AGBL1: variants seen among roughly 807,000 people sequenced by gnomAD.
The protein encoded by AGBL1 is cytosolic carboxypeptidase 4.
AGBL1 carries 130 observed loss-of-function variants against 118.9 expected under a neutral mutation model. The ratio of observed to expected loss-of-function variants is 1.09; its 90% CI spans 0.95 to 1.26. The LOEUF (loss-of-function observed/expected upper bound fraction) is 1.26, where lower values mean the gene tolerates loss of function less well. AGBL1 is among the 50% of genes most tolerant of loss of function. The pLI is 0.00. For synonymous variants in AGBL1, 555 were observed against 478.9 expected (o/e 1.16, Z -2.08); for missense variants, 1,584 against 1,298.1 (o/e 1.22, Z -3.38).
chr15:86,690,346 A>G (rs1367607323), intron 22 of AGBL1, among the ~76,000 whole-genome samples: 2 of 152,154 alleles, frequency 1.3e-5, no homozygotes, highest in Non-Finnish European at 2.9e-5. Context: ...GAAAGACTTA[A>G]AAGTATGAAT....
At position 86,184,973 on chromosome 15, in the gene AGBL1, G is replaced by A. The variant is rs917645312; in HGVS notation, c.488+25947G>A. 1.4e-4 allele frequency among the ~76,000 whole-genome samples: 21 copies of A among 152,182 alleles called. 1 individual carries two copies. Among genetic ancestry groups the A allele is most frequent in the Middle Eastern group, 3.4e-3 (1 of 294 alleles). On this transcript the variant is annotated intron_variant, in intron 5 of 22. Transcript: ENST00000614907. ...AAGAAACTACCATCAGAGTGAACAG[G>A]CAACCTACAGAATGGGAGAAAATGT... is the stretch of plus-strand genomic sequence containing the variant.
intron 22 of AGBL1, among the ~76,000 whole-genome samples, chr15:86,684,019 G>A (rs906825533): frequency 4.6e-5 from 7 of 152,080 alleles, no homozygotes; most frequent in Non-Finnish European, 8.8e-5. Flanking sequence ...TTTTACTGGT[G>A]AGAGCAAATC....
At chr15:86,867,425 T>C (rs529151611) in intron 22 of AGBL1, among the ~76,000 whole-genome samples, 1 of 152,348 alleles carries the variant, frequency 6.6e-6, no homozygotes, top group South Asian at 2.1e-4. Flanking sequence ...TGTTTCCACT[T>C]ACTGCTTGCC....
rs1281800368 is a variant in AGBL1, at chr15:86,928,660, T to C, written c.3222-59327T>C. Among the ~76,000 whole-genome samples the C allele has an allele frequency of 1.3e-5, 2 of 152,208 alleles. 1 individual carries two copies. The highest frequency in any genetic ancestry group is 4.8e-5 in the African/African-American group (2 of 41,462). Reference sequence around the variant, plus strand: ...GTACCATGCATGTTTTCTGTATGTGTATGAATTATATCCTTTTGGTCATTT... The same window carrying C: ...GTACCATGCATGTTTTCTGTATGTGCATGAATTATATCCTTTTGGTCATTT... On this transcript the variant is annotated intron_variant, in intron 23 of 24. Transcript: ENST00000441037.
Position 86,264,818 on chromosome 15 carries a change from A to G in AGBL1, c.1647A>G (p.Glu549=), listed in dbSNP as rs771850905. The G allele has an allele frequency of 5.0e-6, 8 of 1,608,584 alleles. No individual in the cohort carries two copies. In the South Asian group the frequency reaches 8.9e-5, roughly 18 times the overall value. Residue 549 remains glutamate, a synonymous_variant, in exon 11 of 23, where the codon GAA becomes GAG. Coordinates refer to ENST00000614907, the MANE Select transcript of AGBL1 (RefSeq NM_001386094.1). ...CTCCCACCACCCAGCCTATGTTGGA[A>G]CGAAAATGTGGAGTCCAAAGGTGAT... ...CPPPTTQPML[E]RKCGVQRIRI...
intron 22 of AGBL1, among the ~76,000 whole-genome samples, chr15:86,683,699 A>T (rs1039439466): frequency 6.6e-6 from 1 of 152,162 alleles, no homozygotes; most frequent in Non-Finnish European, 1.5e-5. Context: ...AAAGGATTTC[A>T]ATCAAGAAAC....
rs532964745 is a variant in AGBL1 at position 86,826,332 on chromosome 15, C to T, written c.3159-80755C>T. ...TTTGAGGATGATGCTTGGTAAAGTC[C>T]GAGGGATGCAGTGTCTGCCACCTGA... On this transcript the variant is annotated intron_variant, in intron 22 of 22. Transcript: ENST00000614907. 4.2e-4 allele frequency among the ~76,000 whole-genome samples: 64 copies of T among 151,984 alleles called. 1 individual carries two copies. The highest frequency in any genetic ancestry group is 5.4e-4 in the Non-Finnish European group (37 of 68,016).
rs2080369657 is a variant in AGBL1 at position 86,912,862 on chromosome 15, A to G, written c.*5568A>G. 6.6e-6 allele frequency: 1 copy of G among 152,184 alleles called. No individual in the cohort carries two copies. Among genetic ancestry groups the G allele is most frequent in the Non-Finnish European group, 1.5e-5 (1 of 68,042 alleles). 9.4% of individuals were successfully genotyped at this position (152,184 alleles called of 1,614,324 possible). ...CTCCCCAAACTCTCTAGTCTTGGAA[A>G]GACATGCATAGTAGCCTGGTGCCCA... On this transcript the variant is annotated 3_prime_UTR_variant, in exon 23 of 23. Transcript: ENST00000614907.
Position 86,913,479 on chromosome 15 carries a change from T to C in AGBL1, c.*6185T>C, listed in dbSNP as rs986828405. 1 of 152,228 alleles carries C rather than the reference T, an allele frequency of 6.6e-6. No homozygotes were observed. Among genetic ancestry groups the C allele is most frequent in the Non-Finnish European group, 1.5e-5 (1 of 68,062 alleles). The allele number at this position is 152,228 out of a possible 1,614,324, so 9.4% of individuals were successfully genotyped here. ...AGTAAAATGGGTTCAGTATCATTGG[T>C]AGAGAACACAGTCTATGAGAGAATT... On this transcript the variant is annotated 3_prime_UTR_variant, in exon 23 of 23. Coordinates refer to ENST00000614907, the MANE Select transcript of AGBL1 (RefSeq NM_001386094.1).
At chr15:86,817,565 GAA>G (rs1369388376) in intron 22 of AGBL1, among the ~76,000 whole-genome samples, 1 of 86,746 alleles carries the variant, frequency 1.2e-5, no homozygotes, top group Non-Finnish European at 2.5e-5. Context: ...AGGAGAGAGA[GAA>G]AGAGACAGAC....
chr15:87,025,243 C>G (rs1467832221), intron 24 of AGBL1, among the ~76,000 whole-genome samples: 1 of 152,006 alleles, frequency 6.6e-6, no homozygotes, highest in Admixed American at 6.6e-5. Flanking sequence ...AAAGACTCCT[C>G]CAGAAAGCTC....
At chr15:86,622,915 G>A (rs1358287643) in intron 21 of AGBL1, among the ~76,000 whole-genome samples, 1 of 152,190 alleles carries the variant, frequency 6.6e-6, no homozygotes, top group African/African-American at 2.4e-5. Flanking sequence ...TGGAGGTGAT[G>A]AGAGACAGTG....
chr15:86,849,789 C>G (rs1596549156), intron 22 of AGBL1, among the ~76,000 whole-genome samples: 1 of 152,156 alleles, frequency 6.6e-6, no homozygotes, highest in Non-Finnish European at 1.5e-5. Flanking sequence ...TCCTAGGCAG[C>G]GTGTGCTGGG....
At chr15:86,276,292 A>G (rs1394722841) in intron 15 of AGBL1, among the ~76,000 whole-genome samples, 1 of 152,210 alleles carries the variant, frequency 6.6e-6, no homozygotes, top group Non-Finnish European at 1.5e-5. Flanking sequence ...GAAGCAGATG[A>G]TATAATAAAA....
intron 17 of AGBL1, among the ~76,000 whole-genome samples, chr15:86,320,630 A>G (rs1319553160): frequency 6.6e-6 from 1 of 151,506 alleles, no homozygotes; most frequent in African/African-American, 2.4e-5. Context: ...ATATGCGGTG[A>G]TAGTGAGTAT....
chr15:86,262,193 C>G (rs74025061), intron 9 of AGBL1, among the ~76,000 whole-genome samples: 1,882 of 149,050 alleles, frequency 0.013, 54 homozygotes, highest in African/African-American at 0.045. Context: ...TAACATCATT[C>G]TCTTTTATCA....
chr15:86,174,959 A>G (rs1357000320), intron 5 of AGBL1, among the ~76,000 whole-genome samples: 1 of 152,020 alleles, frequency 6.6e-6, no homozygotes, highest in Non-Finnish European at 1.5e-5. Context: ...ATTGATCTAT[A>G]GGTTTCTTTT....
chr15:86,934,962 C>T (rs911962695), intron 23 of AGBL1: 2 of 152,180 alleles, frequency 1.3e-5, no homozygotes, highest in African/African-American at 4.8e-5. Context: ...CCAAATTTTC[C>T]AACCTTGTGC....
intron 21 of AGBL1, among the ~76,000 whole-genome samples, chr15:86,604,353 G>T (rs2142376562): frequency 6.6e-6 from 1 of 152,268 alleles, no homozygotes; most frequent in Non-Finnish European, 1.5e-5. Context: ...CCCTGTGAAA[G>T]AAGGTAATAT....
Sources: gnomAD v4.1 joint callset for allele counts (sites outside exome capture counted in the v4.1 genomes callset) on GRCh38, gnomAD v4.1.1 for gene constraint, MANE v1.5 for transcripts, NCBI Gene and HGNC (gene_info 2026-07-23, HGNC 2026-07-21) for gene names.